The following PXN variants were observed in gnomAD, a reference collection of about 807,000 sequenced individuals.
PXN encodes testicular tissue protein Li 134.
Under a neutral mutation model 103.6 loss-of-function variants are expected in PXN, and 61 were observed. The observed-to-expected ratio is 0.59, with a 90% confidence interval of 0.48 to 0.73. The LOEUF (loss-of-function observed/expected upper bound fraction) is 0.73. Among genes scored for constraint, PXN ranks in the 30% least tolerant of loss-of-function variants. PXN has a pLI of 0.00. For missense variants in PXN, 1,274 were observed against 1,460.3 expected, an observed-to-expected ratio of 0.87 and a Z score of 2.08; for synonymous variants, 562 against 607.8, an observed-to-expected ratio of 0.92 and a Z score of 1.11.
chr12:120,249,277 G>T (rs1634815), intron 1 of PXN, among the ~76,000 whole-genome samples: 1 of 152,022 alleles, frequency 6.6e-6, no homozygotes. Context: ...AAACTCCCAA[G>T]CATAGGAGGA....
Position 120,211,723 on chromosome 12 carries a change from C to G in PXN, c.*591G>C. On this transcript the variant is annotated 3_prime_UTR_variant, in exon 15 of 15. Coordinates refer to ENST00000637617, the MANE Select transcript of PXN (RefSeq NM_001385981.1). ...CAAGAGCAGGTATAAAAGGGGAGGG[C>G]GGGTCTAAAAGGCAGGGGCAGTCGC... The G allele has an allele frequency of 5.8e-6, 2 of 343,900 alleles. No individual in the cohort carries two copies. The highest frequency in any genetic ancestry group is 4.4e-5 in the South Asian group (2 of 45,296). 21.3% of individuals were successfully genotyped at this position (343,900 alleles called of 1,614,324 possible).
chr12:120,227,106 G>GA, intron 1 of PXN: 1 of 986,532 alleles, frequency 1.0e-6, no homozygotes, highest in Middle Eastern at 5.2e-4. Context: ...AGCAAACCAT[G>GA]AAAAGGGCAA....
chr12:120,251,952 T>A lies in PXN; in HGVS notation c.13+13665A>T, dbSNP rs1388328108. 2.6e-5 allele frequency among the ~76,000 whole-genome samples: 4 copies of A among 152,158 alleles called. No homozygotes were observed. The East Asian group carries it at 7.7e-4, about 29-fold the overall frequency. ...CCAGTTACTGAGCACTTTGAAAGTA[T>A]TTCGGGAAAGTATGTCAGGAAATGC... On this transcript the variant is annotated intron_variant, in intron 1 of 14. Coordinates refer to ENST00000637617, the MANE Select transcript of PXN (RefSeq NM_001385981.1).
Position 120,246,264 on chromosome 12 carries a change from T to C in PXN, c.13+19353A>G, listed in dbSNP as rs142048716. Among the ~76,000 whole-genome samples, 343 of 151,696 alleles carry C rather than the reference T, an allele frequency of 2.3e-3. 1 individual carries two copies. The highest frequency in any genetic ancestry group is 7.8e-3 in the African/African-American group (322 of 41,382). On this transcript the variant is annotated intron_variant, in intron 1 of 14. Transcript: ENST00000637617. The stretch of plus-strand genomic sequence containing the variant: ...AAATTAGGCTGGGCACAGTGGCTCA[T>C]GCCTTTAATCCCAGCACTTTGGGAG...
rs963945078 is a variant in PXN, at chr12:120,213,384, AAAG to A, written c.2979+455_2979+457del. ...AACAGAGTGAGACTCCGTCTCAAAAAAAGAAAAGAAAAGAAAAGGCTCTGAGAA... is the reference window on the plus strand; with the variant it reads ...AACAGAGTGAGACTCCGTCTCAAAAAAAAAGAAAAGAAAAGGCTCTGAGAA... On this transcript the variant is annotated intron_variant, in intron 14 of 14. Transcript: ENST00000637617. This position sits in a 1 kb window ranked among gnomAD's most constrained non-coding sequence, Gnocchi z 4.2. Among the ~76,000 whole-genome samples, 1 of 111,014 alleles carries A rather than the reference AAAG, an allele frequency of 9.0e-6. No homozygotes were observed. Among genetic ancestry groups the A allele is most frequent in the African/African-American group, 3.1e-5 (1 of 32,646 alleles). The allele number at this position is 111,014 out of a possible 152,430, so 72.8% of individuals were successfully genotyped here.
intron 1 of PXN, chr12:120,227,115 A>G: frequency 1.0e-6 from 1 of 986,870 alleles, no homozygotes; most frequent in South Asian, 4.6e-5. Flanking sequence ...TGAAAAGGGC[A>G]ACCTTGAAAA....
In PXN at chr12:120,214,014, C is replaced by T. The variant is rs763722281; in HGVS notation, c.2831-24G>A. Reference sequence around the variant, plus strand: ...CCCTGGGGAGCGGGGGTTTTGGAGGCACAGTTCATTCCGGCTTCCAGAAGT... The same window carrying T: ...CCCTGGGGAGCGGGGGTTTTGGAGGTACAGTTCATTCCGGCTTCCAGAAGT... On this transcript the variant is annotated intron_variant, in intron 13 of 14. Coordinates refer to ENST00000637617, the MANE Select transcript of PXN (RefSeq NM_001385981.1). The surrounding 1 kb of genome is among the most constrained non-coding windows in gnomAD (Gnocchi z 5.0). 7.5e-6 allele frequency: 12 copies of T among 1,608,814 alleles called. No individual in the cohort carries two copies. The highest frequency in any genetic ancestry group is 1.6e-4 in the Middle Eastern group (1 of 6,078).
Position 120,214,089 on chromosome 12 carries a change from CG to C in PXN, c.2830+46del. On this transcript the variant is annotated intron_variant, in intron 13 of 14. Coordinates refer to ENST00000637617, the MANE Select transcript of PXN (RefSeq NM_001385981.1). This position sits in a 1 kb window ranked among gnomAD's most constrained non-coding sequence, Gnocchi z 5.0. Reference sequence around the variant, plus strand: ...GCAGCGTCTCCCACCCCCACCTCCCCGGCCCTCCTAAGAGGCGGTGGGTCAG... The same window carrying C: ...GCAGCGTCTCCCACCCCCACCTCCCCGCCCTCCTAAGAGGCGGTGGGTCAG... 6.4e-7 allele frequency: 1 copy of C among 1,558,612 alleles called. No individual in the cohort carries two copies. The highest frequency in any genetic ancestry group is 1.2e-5 in the South Asian group (1 of 84,566).
rs1887297348 is a variant in PXN, at chr12:120,228,225, A to C, written c.14-3848T>G. On this transcript the variant is annotated intron_variant, in intron 1 of 14. Transcript: ENST00000637617. This position sits in a 1 kb window ranked among gnomAD's most constrained non-coding sequence, Gnocchi z 4.7. ...AAATTTCCTTGGCATTACTCTACTA[A>C]GTTTCCAGGTCCAGGCCTGGGGCCC... is the stretch of plus-strand genomic sequence containing the variant. Among the ~76,000 whole-genome samples, 1 of 152,236 alleles carries C rather than the reference A, an allele frequency of 6.6e-6. No homozygotes were observed. The highest frequency in any genetic ancestry group is 2.4e-5 in the African/African-American group (1 of 41,468).
rs1260288474 is a variant in PXN at position 120,214,237 on chromosome 12, G to A, written c.2749-20C>T. 1 of 1,546,570 alleles carries A rather than the reference G, an allele frequency of 6.5e-7. No homozygotes were observed. The highest frequency in any genetic ancestry group is 1.4e-5 in the African/African-American group (1 of 73,020). On this transcript the variant is annotated intron_variant, in intron 12 of 14. Transcript: ENST00000637617. This position sits in a 1 kb window ranked among gnomAD's most constrained non-coding sequence, Gnocchi z 5.0. The stretch of plus-strand genomic sequence containing the variant: ...CACTTTCTGTGAAAGCAAAATGTGG[G>A]ATCAAGGCTGAGCTCTGGGCAGATC...
chr12:120,256,965 C>T (rs1402758897), intron 1 of PXN, among the ~76,000 whole-genome samples: 1 of 152,188 alleles, frequency 6.6e-6, no homozygotes, highest in Admixed American at 6.5e-5. Context: ...TCAGGTGTTC[C>T]ACCTGCCTCA....
In PXN at chr12:120,216,687, C is replaced by T. The variant is rs765439265; in HGVS notation, c.1993-106G>A. 6.3e-7 allele frequency: 1 copy of T among 1,590,516 alleles called. No individual in the cohort carries two copies. Among genetic ancestry groups the T allele is most frequent in the East Asian group, 2.3e-5 (1 of 44,404 alleles). On this transcript the variant is annotated intron_variant, in intron 8 of 14. Coordinates refer to ENST00000637617, the MANE Select transcript of PXN (RefSeq NM_001385981.1). This position sits in a 1 kb window ranked among gnomAD's most constrained non-coding sequence, Gnocchi z 5.1. ...CCCCCTGGGCCTTCCCACTCTGCAC[C>T]AAGAGTGGGGCCAGTCTTCCAAAGT...
intron 2 of PXN, 73 bp from the exon 3 acceptor site, chr12:120,223,906 C>T (rs1171136765): frequency 5.7e-6 from 7 of 1,218,834 alleles, no homozygotes; most frequent in Admixed American, 4.1e-5. Flanking sequence ...CAGCTCCAGT[C>T]ACCCCCAGGA....
In PXN at chr12:120,215,866, G is replaced by A; in HGVS notation, c.2302-205C>T. On this transcript the variant is annotated intron_variant, in intron 9 of 14. Coordinates refer to ENST00000637617, the MANE Select transcript of PXN (RefSeq NM_001385981.1). This position sits in a 1 kb window ranked among gnomAD's most constrained non-coding sequence, Gnocchi z 4.9. ...GGAGAAAGGAAGAAGGACAGGGAGG[G>A]GAGTCGACCAAAGGCAGAGGAAATG... 7.6e-7 allele frequency: 1 copy of A among 1,314,328 alleles called. No individual in the cohort carries two copies. Among genetic ancestry groups the A allele is most frequent in the South Asian group, 1.8e-5 (1 of 55,400 alleles). The allele number at this position is 1,314,328 out of a possible 1,614,324, so 81.4% of individuals were successfully genotyped here.
intron 1 of PXN, among the ~76,000 whole-genome samples, chr12:120,231,559 A>G (rs1888056142): frequency 1.3e-5 from 2 of 152,082 alleles, no homozygotes; most frequent in Non-Finnish European, 2.9e-5. Flanking sequence ...GTCAGCCGCC[A>G]GGGGAGGAGG....
chr12:120,217,232 C>T lies in PXN; in HGVS notation c.1717-116G>A. On this transcript the variant is annotated intron_variant, in intron 7 of 14. Coordinates refer to ENST00000637617, the MANE Select transcript of PXN (RefSeq NM_001385981.1). This position sits in a 1 kb window ranked among gnomAD's most constrained non-coding sequence, Gnocchi z 4.1. The stretch of plus-strand genomic sequence containing the variant: ...GCACAAAAGAAAACCACCAAAGAAC[C>T]AAGCGGAGGTGGGTGGAGGCACGGG... 1 of 915,138 alleles carries T rather than the reference C, an allele frequency of 1.1e-6. No individual in the cohort carries two copies. The highest frequency in any genetic ancestry group is 1.7e-6 in the Non-Finnish European group (1 of 597,800). The allele number at this position is 915,138 out of a possible 1,614,324, so 56.7% of individuals were successfully genotyped here.
At chr12:120,242,862 C>CA (rs1392800721) in intron 1 of PXN, among the ~76,000 whole-genome samples, 1 of 148,066 alleles carries the variant, frequency 6.8e-6, no homozygotes, top group Non-Finnish European at 1.5e-5. Context: ...GCCTGAGCGA[C>CA]AGAGCGAGAC....
Position 120,216,439 on chromosome 12 carries a change from G to C in PXN, c.2135C>G (p.Pro712Arg), listed in dbSNP as rs1328321362. 2.2e-6 allele frequency: 3 copies of C among 1,379,272 alleles called. No homozygotes were observed. Among genetic ancestry groups the C allele is most frequent in the African/African-American group, 1.5e-5 (1 of 65,892 alleles). The allele number at this position is 1,379,272 out of a possible 1,614,324, so 85.4% of individuals were successfully genotyped here. A position where few individuals can be genotyped will look rare whatever the true frequency, so the allele number is the denominator to read the frequency against. The change falls in exon 9 of 15, where the codon CCC (proline) becomes CGC (arginine). Residue 712 changes from proline (P) to arginine (R), a missense_variant. Physicochemically the swap from Pro to Arg is moderately radical, Grantham distance 103 (BLOSUM62 -2). Around this residue, in one of 2 missense-constraint regions of PXN, gnomAD observed 1,178 missense variants for 1,309.0 expected, o/e 0.90. Transcript: ENST00000637617. The surrounding 1 kb of genome is among the most constrained non-coding windows in gnomAD (Gnocchi z 5.1). ...ACAGGTATAAGCTGAGGGCCCCAGG[G>C]GGGAGGAGGCGAGCAGGCTGGGCAG... ...SPLPSLLASS[P>R]LGPSAYTCGS...
chr12:120,215,727 T>G lies in PXN; in HGVS notation c.2302-66A>C. ...AAAATTAAGAAAGAATACAAGACCT[T>G]GTCACTGGACTAAAAGGGAATCTAG... is the stretch of plus-strand genomic sequence containing the variant. On this transcript the variant is annotated intron_variant, in intron 9 of 14. Transcript: ENST00000637617. This position sits in a 1 kb window ranked among gnomAD's most constrained non-coding sequence, Gnocchi z 4.9. The G allele has an allele frequency of 6.7e-7, 1 of 1,483,322 alleles. No individual in the cohort carries two copies. The highest frequency in any genetic ancestry group is 1.3e-5 in the South Asian group (1 of 77,910). The allele number at this position is 1,483,322 out of a possible 1,614,324, so 91.9% of individuals were successfully genotyped here.
Sources: allele counts gnomAD v4.1 joint callset (sites outside exome capture counted in the v4.1 genomes callset), GRCh38; gene constraint gnomAD v4.1.1; regional missense constraint gnomAD v4.1.1; non-coding constraint Gnocchi (gnomAD v3.1); transcripts MANE v1.5; gene names NCBI Gene and HGNC (gene_info 2026-07-23, HGNC 2026-07-21).